SPAG16: variants seen among roughly 807,000 people sequenced by gnomAD.
SPAG16 encodes the protein sperm associated antigen 16.
A neutral mutation model predicts 80.4 loss-of-function variants in SPAG16; 86 were observed. That is an observed-to-expected ratio of 1.07 (90% CI 0.90 to 1.28). The LOEUF (loss-of-function observed/expected upper bound fraction) is 1.28, where lower values mean the gene tolerates loss of function less well. Ranked by LOEUF, SPAG16 falls within the 50% of genes most tolerant of loss-of-function variation. SPAG16 has a pLI of 0.00. For missense variants in SPAG16, 870 were observed against 765.3 expected (o/e 1.14, Z -1.61); for synonymous variants, 294 against 265.9 (o/e 1.11, Z -1.03).
At chr2:214,155,857 A>G (rs1576369481) in intron 15 of SPAG16, among the ~76,000 whole-genome samples, 2 of 152,122 alleles carry the variant, frequency 1.3e-5, no homozygotes, top group African/African-American at 4.8e-5. Flanking sequence ...CCTGTTTTAT[A>G]GTTGAGAAAA....
chr2:213,970,172 A>G (rs768655908), intron 12 of SPAG16, among the ~76,000 whole-genome samples: 1 of 152,166 alleles, frequency 6.6e-6, no homozygotes, highest in Non-Finnish European at 1.5e-5. Flanking sequence ...AAGATGCCAT[A>G]TCTTAATACT....
At chr2:214,136,927 T>C (rs1287639474) in intron 14 of SPAG16, among the ~76,000 whole-genome samples, 1 of 152,182 alleles carries the variant, frequency 6.6e-6, no homozygotes, top group Admixed American at 6.6e-5. Flanking sequence ...CCTTCACATA[T>C]TGAAGGCAGC....
intron 9 of SPAG16, among the ~76,000 whole-genome samples, chr2:213,448,848 T>A (rs147463442): frequency 0.02 from 3,067 of 152,246 alleles, 44 homozygotes; most frequent in Middle Eastern, 0.051. Context: ...GTAAAACATG[T>A]GAGTTTGAAC....
At chr2:214,125,338 G>T (rs983164742) in intron 14 of SPAG16, among the ~76,000 whole-genome samples, 2 of 151,598 alleles carry the variant, frequency 1.3e-5, no homozygotes, top group Admixed American at 1.3e-4. Flanking sequence ...GAAATACAAA[G>T]TTATGAAATA....
Position 213,770,413 on chromosome 2 carries a change from ATCT to A in SPAG16, c.1071-92068_1071-92066del, listed in dbSNP as rs1489735708. 8.5e-5 allele frequency among the ~76,000 whole-genome samples: 13 copies of A among 152,216 alleles called. No individual in the cohort carries two copies. The South Asian group carries it at 2.7e-3, about 32-fold the overall frequency. ...CTCATCAGCATGCCTTTTCATTTTC[ATCT>A]TCTCAACACTGTAATTTTAGGATCA... On this transcript the variant is annotated intron_variant, in intron 10 of 15. Transcript: ENST00000331683.
chr2:213,768,844 G>T (rs1032830987), intron 10 of SPAG16, among the ~76,000 whole-genome samples: 2 of 152,132 alleles, frequency 1.3e-5, no homozygotes, highest in African/African-American at 4.8e-5. Context: ...TATCAGAGAG[G>T]AATGCCTAGA....
At chr2:214,161,485 A>G (rs950100627) in intron 15 of SPAG16, among the ~76,000 whole-genome samples, 1 of 152,108 alleles carries the variant, frequency 6.6e-6, no homozygotes, top group Non-Finnish European at 1.5e-5. Flanking sequence ...ACATTTTAAT[A>G]ATTGCCATTC....
At chr2:214,095,177 G>A (rs973020065) in intron 13 of SPAG16, among the ~76,000 whole-genome samples, 1 of 152,032 alleles carries the variant, frequency 6.6e-6, no homozygotes, top group Non-Finnish European at 1.5e-5. Flanking sequence ...GTTTATCAAA[G>A]TCCCTACATT....
intron 10 of SPAG16, among the ~76,000 whole-genome samples, chr2:213,504,105 A>G (rs572797206): frequency 5.2e-4 from 79 of 152,300 alleles, no homozygotes; most frequent in African/African-American, 1.6e-3. Flanking sequence ...ACTCTCCCCA[A>G]TAGTGGTGGA....
At chr2:213,980,691 AAT>A (rs1397447031) in intron 12 of SPAG16, among the ~76,000 whole-genome samples, 21 of 124,718 alleles carry the variant, frequency 1.7e-4, no homozygotes, top group African/African-American at 5.0e-4. Flanking sequence ...GTATATATAG[AAT>A]ATATGTGTGT....
intron 10 of SPAG16, among the ~76,000 whole-genome samples, chr2:213,655,353 A>G (rs2063180774): frequency 6.6e-6 from 1 of 152,234 alleles, no homozygotes; most frequent in Admixed American, 6.5e-5. Flanking sequence ...GAAGAAAAAT[A>G]AAACGATTTG....
chr2:214,268,297 A>G (rs956434327), intron 15 of SPAG16, among the ~76,000 whole-genome samples: 2 of 151,774 alleles, frequency 1.3e-5, no homozygotes, highest in Non-Finnish European at 3.0e-5. Flanking sequence ...TCAGTACTGT[A>G]TATATATATC....
At chr2:214,159,693 G>T (rs2056360039) in intron 15 of SPAG16, among the ~76,000 whole-genome samples, 1 of 151,884 alleles carries the variant, frequency 6.6e-6, no homozygotes, top group African/African-American at 2.4e-5. Context: ...TAAGAGAAGT[G>T]TAAATAAAAA....
At chr2:213,402,847 T>G (rs1201430262) in intron 9 of SPAG16, among the ~76,000 whole-genome samples, 1 of 152,230 alleles carries the variant, frequency 6.6e-6, no homozygotes, top group Non-Finnish European at 1.5e-5. Context: ...TTAGGTTGGT[T>G]CCAAGTCTTT....
In SPAG16 at chr2:213,364,098, T is replaced by C. The variant is rs2066144997; in HGVS notation, c.785T>C (p.Leu262Ser). 1 of 1,523,168 alleles carries C rather than the reference T, an allele frequency of 6.6e-7. No individual in the cohort carries two copies. Among genetic ancestry groups the C allele is most frequent in the Non-Finnish European group, 8.8e-7 (1 of 1,138,150 alleles). The allele number at this position is 1,523,168 out of a possible 1,614,324, so 94.4% of individuals were successfully genotyped here. The change falls in exon 8 of 16, where the codon TTG (leucine) becomes TCG (serine). Residue 262 changes from leucine to serine, a missense_variant. Coordinates refer to ENST00000331683, the MANE Select transcript of SPAG16 (RefSeq NM_024532.5). ...TAGATTTCTGGACTTCAAGAAACAT[T>C]GAAGAAACTGCAAAGAGGACATAGT... ...VGQISGLQETLKKLQRGHSYH... is the reference protein window; with the variant it reads ...VGQISGLQETSKKLQRGHSYH...
At chr2:213,480,128 T>C (rs999560956) in intron 9 of SPAG16, among the ~76,000 whole-genome samples, 3 of 152,220 alleles carry the variant, frequency 2.0e-5, no homozygotes, top group Non-Finnish European at 4.4e-5. Flanking sequence ...ATCAAGTATC[T>C]TGAGTAGCTA....
At chr2:214,103,949 G>A (rs549688323) in intron 13 of SPAG16, among the ~76,000 whole-genome samples, 68 of 145,962 alleles carry the variant, frequency 4.7e-4, no homozygotes, top group African/African-American at 1.7e-3. Context: ...GAAACAGAGA[G>A]AGAGAGAGAG....
chr2:213,459,486 C>T (rs1316295284), intron 9 of SPAG16, among the ~76,000 whole-genome samples: 3 of 152,180 alleles, frequency 2.0e-5, no homozygotes, highest in African/African-American at 7.2e-5. Flanking sequence ...CAAAGTTTCA[C>T]TTTAGTACCT....
At chr2:213,629,679 C>T (rs963451053) in intron 10 of SPAG16, among the ~76,000 whole-genome samples, 1 of 152,262 alleles carries the variant, frequency 6.6e-6, no homozygotes, top group African/African-American at 2.4e-5. Context: ...TTTTGCTCTG[C>T]TCAATGCTTC....
Sources: allele counts gnomAD v4.1 joint callset (sites outside exome capture counted in the v4.1 genomes callset), GRCh38; gene constraint gnomAD v4.1.1; transcripts MANE v1.5; gene names NCBI Gene and HGNC (gene_info 2026-07-23, HGNC 2026-07-21).